The following DLGAP2 variants were observed in gnomAD, a reference collection of about 807,000 sequenced individuals.
DLGAP2 encodes disks large-associated protein 2.
In DLGAP2, 26 loss-of-function variants were observed where a neutral mutation model predicts 100.3. The observed-to-expected ratio is 0.26, with a 90% CI of 0.19 to 0.36. DLGAP2 has a LOEUF of 0.36. Among genes scored for constraint, DLGAP2 ranks in the 10% least tolerant of loss-of-function variants. DLGAP2 has a pLI of 1.00. For missense variants in DLGAP2, 1,858 were observed against 1,453.2 expected, an observed-to-expected ratio of 1.28 and a Z score of -4.53; for synonymous variants, 886 against 630.1, an observed-to-expected ratio of 1.41 and a Z score of -6.08.
chr8:903,195 G>A (rs1204849283), intron 1 of DLGAP2, among the ~76,000 whole-genome samples: 1 of 152,012 alleles, frequency 6.6e-6, no homozygotes, highest in Non-Finnish European at 1.5e-5. Flanking sequence ...CTTTCTGGAG[G>A]CAGTCACAGG....
chr8:1,590,205 C>G (rs1391491442), intron 6 of DLGAP2, among the ~76,000 whole-genome samples: 1 of 152,194 alleles, frequency 6.6e-6, no homozygotes, highest in Non-Finnish European at 1.5e-5. Context: ...CTCATTTCGT[C>G]TGCAGTGACC....
At chr8:846,407 G>A (rs189303221) in intron 1 of DLGAP2, among the ~76,000 whole-genome samples, 13 of 152,288 alleles carry the variant, frequency 8.5e-5, no homozygotes, top group African/African-American at 3.1e-4. Context: ...TTCTGTGCCT[G>A]GCTCTCTTCA....
intron 2 of DLGAP2, among the ~76,000 whole-genome samples, chr8:1,066,136 G>C (rs929682399): frequency 2.6e-5 from 4 of 151,952 alleles, no homozygotes; most frequent in African/African-American, 4.8e-5. Flanking sequence ...GTCTGAGCGA[G>C]GACAGCTCCC....
intron 2 of DLGAP2, among the ~76,000 whole-genome samples, chr8:1,074,031 G>A (rs1803520057): frequency 6.9e-6 from 1 of 145,512 alleles, no homozygotes; most frequent in Admixed American, 6.7e-5. Flanking sequence ...AACTCACCCA[G>A]GTACATATTC....
chr8:1,390,876 G>A (rs2129810439), intron 3 of DLGAP2, among the ~76,000 whole-genome samples: 1 of 152,328 alleles, frequency 6.6e-6, no homozygotes, highest in South Asian at 2.1e-4. Context: ...TTACAAGGCA[G>A]CATCACCGTC....
chr8:788,622 G>A (rs1821943304), intron 1 of DLGAP2, among the ~76,000 whole-genome samples: 1 of 152,212 alleles, frequency 6.6e-6, no homozygotes, highest in Non-Finnish European at 1.5e-5. Context: ...ATCTCAGCTT[G>A]GAAAAAAGTG....
chr8:1,051,480 CA>C lies in DLGAP2; in HGVS notation c.73+143515del, dbSNP rs1421670957. 1.3e-5 allele frequency among the ~76,000 whole-genome samples: 2 copies of C among 152,160 alleles called. 1 individual carries two copies. The highest frequency in any genetic ancestry group is 1.3e-4 in the Admixed American group (2 of 15,276). ...TGCTGTCACTTCTGAAGTGAAGGCA[CA>C]GACTATATTGATGTTAATACCACTC... On this transcript the variant is annotated intron_variant, in intron 2 of 14. Transcript: ENST00000637795.
In DLGAP2 at chr8:1,507,202, C is replaced by G. The variant is rs561459192; in HGVS notation, c.172+5771C>G. ...GTCAATGGGACCGGGCGCCGCGGAG[C>G]AGGGGGCAGCGTCCATCAGGGAGGC... On this transcript the variant is annotated intron_variant, in intron 4 of 14. Coordinates refer to ENST00000637795, the MANE Select transcript of DLGAP2 (RefSeq NM_001346810.2). Among the ~76,000 whole-genome samples, 121 of 152,348 alleles carry G rather than the reference C, an allele frequency of 7.9e-4. 1 individual carries two copies. Among genetic ancestry groups the G allele is most frequent in the Non-Finnish European group, 1.4e-3 (97 of 68,028 alleles).
intron 3 of DLGAP2, among the ~76,000 whole-genome samples, chr8:1,324,861 C>T (rs1800984614): frequency 6.6e-6 from 1 of 152,170 alleles, no homozygotes; most frequent in African/African-American, 2.4e-5. Flanking sequence ...GATTTGTTTT[C>T]TTGCTGCAGA....
At chr8:1,479,072 G>T (rs1231228895) in intron 3 of DLGAP2, among the ~76,000 whole-genome samples, 4 of 152,258 alleles carry the variant, frequency 2.6e-5, no homozygotes, top group African/African-American at 9.6e-5. Context: ...CACCAGCTGA[G>T]AGCACAAAGG....
At chr8:1,493,057 C>G (rs1244605150) in intron 3 of DLGAP2, among the ~76,000 whole-genome samples, 3 of 152,232 alleles carry the variant, frequency 2.0e-5, no homozygotes, top group Non-Finnish European at 2.9e-5. Context: ...CACAGAGATT[C>G]AGCCTCAAGG....
intron 2 of DLGAP2, among the ~76,000 whole-genome samples, chr8:1,150,642 G>C (rs1169848848): frequency 6.6e-6 from 1 of 152,208 alleles, no homozygotes; most frequent in East Asian, 1.9e-4. Context: ...CTGTTGACAG[G>C]ATTGGACACT....
At chr8:1,103,702 G>C (rs1804661261) in intron 2 of DLGAP2, among the ~76,000 whole-genome samples, 1 of 10,376 alleles carries the variant, frequency 9.6e-5, no homozygotes, top group Non-Finnish European at 1.7e-4. Flanking sequence ...GGTGATGACT[G>C]GCGGGGCCTT....
At chr8:1,243,951 T>A (rs1177088108) in intron 2 of DLGAP2, among the ~76,000 whole-genome samples, 1 of 152,158 alleles carries the variant, frequency 6.6e-6, no homozygotes, top group African/African-American at 2.4e-5. Flanking sequence ...TCATCTACCT[T>A]CCAGCTCCCA....
intron 2 of DLGAP2, among the ~76,000 whole-genome samples, chr8:990,315 CCTGCACCCCCATACTCGGAGT>C (rs1800626234): frequency 6.8e-6 from 1 of 146,720 alleles, no homozygotes; most frequent in Non-Finnish European, 1.5e-5. Flanking sequence ...GCCCAGACCC[CCTGCACCCCCATACTCGGAGT>C]TCCTGTTCTT....
chr8:775,155 G>T (rs1035112486), intron 1 of DLGAP2, among the ~76,000 whole-genome samples: 1 of 151,746 alleles, frequency 6.6e-6, no homozygotes, highest in Non-Finnish European at 1.5e-5. Context: ...GTGTTTGTCT[G>T]TTATTGGTGT....
At chr8:752,708 A>G (rs1220971975) in intron 1 of DLGAP2, among the ~76,000 whole-genome samples, 1 of 152,072 alleles carries the variant, frequency 6.6e-6, no homozygotes, top group Admixed American at 6.5e-5. Context: ...GGCACTGGAG[A>G]GAGGCAGCCT....
chr8:1,261,141 G>C (rs1450283914), intron 3 of DLGAP2, among the ~76,000 whole-genome samples: 1 of 152,046 alleles, frequency 6.6e-6, no homozygotes, highest in East Asian at 1.9e-4. Context: ...CAGACTGGGA[G>C]GGCAGGTCAG....
chr8:1,638,715 T>C (rs1254238108), intron 8 of DLGAP2, among the ~76,000 whole-genome samples: 1 of 151,942 alleles, frequency 6.6e-6, no homozygotes, highest in Non-Finnish European at 1.5e-5. Context: ...GCCCCAGCCG[T>C]GGATGAGGCC....
Sources: allele counts gnomAD v4.1 joint callset (sites outside exome capture counted in the v4.1 genomes callset), GRCh38; gene constraint gnomAD v4.1.1; transcripts MANE v1.5; gene names NCBI Gene and HGNC (gene_info 2026-07-23, HGNC 2026-07-21).